The following COL4A5 variants were observed in gnomAD, a reference collection of about 807,000 sequenced individuals.
COL4A5 encodes collagen alpha-5(IV) chain.
A neutral mutation model predicts 130.2 loss-of-function variants in COL4A5; 26 were observed. The observed-to-expected ratio is 0.20, with a 90% CI of 0.15 to 0.28. COL4A5 has a LOEUF of 0.28. Ranked by LOEUF, COL4A5 falls within the 10% of genes least tolerant of loss-of-function variation. The pLI, the probability that COL4A5 is intolerant of heterozygous loss-of-function variation, is 1.00. For missense variants in COL4A5, 1,131 were observed against 1,344.3 expected (o/e 0.84, Z 2.48); for synonymous variants, 496 against 439.6 (o/e 1.13, Z -1.60).
intron 22 of COL4A5, among the ~76,000 whole-genome samples, chrX:108,595,913 G>T (rs2066507526): frequency 8.9e-6 from 1 of 111,958 alleles, no homozygotes; most frequent in Non-Finnish European, 1.9e-5. Flanking sequence ...TGGGAGAAAA[G>T]TTCATAATGC....
chrX:108,693,472 G>A (rs1390112178), intron 50 of COL4A5: 1 of 115,957 alleles, frequency 8.6e-6, no homozygotes, highest in Non-Finnish European at 1.8e-5. Context: ...CTTGGGCCCA[G>A]ATGGTAGAAG....
At chrX:108,456,112 C>A (rs939766331) in intron 1 of COL4A5, among the ~76,000 whole-genome samples, 5 of 111,203 alleles carry the variant, frequency 4.5e-5, no homozygotes, top group Non-Finnish European at 9.4e-5. Context: ...ATATACCTCT[C>A]CATTAATTTA....
chrX:108,440,209 A>G lies in COL4A5; in HGVS notation c.81+3A>G. The G allele has an allele frequency of 8.5e-7, 1 of 1,173,284 alleles. No individual in the cohort carries two copies. Among genetic ancestry groups the G allele is most frequent in the Non-Finnish European group, 1.2e-6 (1 of 862,869 alleles). ...GGGGGCAGCCTGCAGAGGCTGCGGT[A>G]AGTCCTTCCTCCCCTCCCCCGCGCC... On this transcript the variant is annotated splice_donor_region_variant and intron_variant, in intron 1 of 52. Coordinates refer to ENST00000328300, the MANE Select transcript of COL4A5 (RefSeq NM_033380.3).
At chrX:108,455,119 T>C (rs1199007966) in intron 1 of COL4A5, among the ~76,000 whole-genome samples, 1 of 111,643 alleles carries the variant, frequency 9.0e-6, no homozygotes, top group Non-Finnish European at 1.9e-5. Flanking sequence ...CATCCCCAAA[T>C]AACCACTGAT....
intron 29 of COL4A5, among the ~76,000 whole-genome samples, chrX:108,614,331 T>C (rs1468876448): frequency 1.8e-5 from 2 of 111,786 alleles, no homozygotes; most frequent in Non-Finnish European, 3.8e-5. Flanking sequence ...TATGTCTTGA[T>C]TTTAGTGGTG....
rs2066833093 is a variant in COL4A5 at position 108,611,422 on chromosome X, A to C, written c.2396-3489A>C. ...GTTCCGGGCAGCAAGAATAACATCCAAAGGTATTATTGTGACAAATATTGT... is the reference window on the plus strand; with the variant it reads ...GTTCCGGGCAGCAAGAATAACATCCCAAGGTATTATTGTGACAAATATTGT... On this transcript the variant is annotated intron_variant, in intron 29 of 52. Coordinates refer to ENST00000328300, the MANE Select transcript of COL4A5 (RefSeq NM_033380.3). Among the ~76,000 whole-genome samples, 4 of 111,137 alleles carry C rather than the reference A, an allele frequency of 3.6e-5. No homozygotes were observed. The Admixed American group carries it at 3.8e-4, about 11-fold the overall frequency.
chrX:108,513,905 G>A (rs758370344), intron 1 of COL4A5, among the ~76,000 whole-genome samples: 110 of 111,256 alleles, frequency 9.9e-4, no homozygotes, highest in African/African-American at 3.2e-3. Context: ...TGTTTTAATC[G>A]ATGATCTTTC....
At chrX:108,503,606 T>C (rs1178845979) in intron 1 of COL4A5, among the ~76,000 whole-genome samples, 1 of 111,978 alleles carries the variant, frequency 8.9e-6, no homozygotes, top group Admixed American at 9.5e-5. Flanking sequence ...AGCACCACTA[T>C]GCACCAACAA....
At chrX:108,473,633 A>ATATATTTTT in intron 1 of COL4A5, among the ~76,000 whole-genome samples, 6 of 34,562 alleles carry the variant, frequency 1.7e-4, no homozygotes, top group African/African-American at 3.2e-4. Context: ...ATATATATAT[A>ATATATTTTT]TTTTTTTTTT....
chrX:108,508,557 C>CAA (rs1182036182), intron 1 of COL4A5, among the ~76,000 whole-genome samples: 2,205 of 38,128 alleles, frequency 0.058, 129 homozygotes, highest in African/African-American at 0.19. Flanking sequence ...CATGTAGGAC[C>CAA]AAAAAAAAAA....
At chrX:108,521,010 C>T (rs1171068118) in intron 1 of COL4A5, among the ~76,000 whole-genome samples, 1 of 111,708 alleles carries the variant, frequency 9.0e-6, no homozygotes, top group Non-Finnish European at 1.9e-5. Flanking sequence ...TGTGTTTATA[C>T]ACATTTTGCT....
intron 4 of COL4A5, among the ~76,000 whole-genome samples, 169 bp from the exon 5 acceptor site, chrX:108,568,460 A>G (rs2066008920): frequency 8.9e-6 from 1 of 111,927 alleles, no homozygotes; most frequent in African/African-American, 3.2e-5. Context: ...TTTTAAACAC[A>G]TGTAAGAGAT....
At chrX:108,643,436 A>G (rs1355318708) in intron 36 of COL4A5, among the ~76,000 whole-genome samples, 1 of 111,662 alleles carries the variant, frequency 9.0e-6, no homozygotes, top group Non-Finnish European at 1.9e-5. Flanking sequence ...AGATAAGATG[A>G]AGGAAAGAAT....
chrX:108,696,280 T>C lies in COL4A5; in HGVS notation c.4995-17T>C. On this transcript the variant is annotated splice_polypyrimidine_tract_variant and intron_variant, in intron 52 of 52. Transcript: ENST00000328300. ...CCAGAAAATGTGGATCTGATTGTCT[T>C]ATTTCTTATTTCCCAGTAAACCTCA... The C allele has an allele frequency of 8.5e-7, 1 of 1,175,811 alleles. No individual in the cohort carries two copies. Among genetic ancestry groups the C allele is most frequent in the African/African-American group, 1.7e-5 (1 of 57,167 alleles).
At chrX:108,518,378 G>A (rs2065239038) in intron 1 of COL4A5, among the ~76,000 whole-genome samples, 1 of 111,300 alleles carries the variant, frequency 9.0e-6, no homozygotes, top group African/African-American at 3.3e-5. Context: ...CTTTTCTGTG[G>A]ATTTTTAAGG....
chrX:108,658,534 A>T (rs1040554608), intron 37 of COL4A5, among the ~76,000 whole-genome samples: 3 of 111,042 alleles, frequency 2.7e-5, no homozygotes, highest in African/African-American at 9.8e-5. Context: ...AGGAATCTGG[A>T]TCTGTAGTTT....
chrX:108,541,368 T>C (rs1263239296), intron 2 of COL4A5, among the ~76,000 whole-genome samples: 2 of 112,081 alleles, frequency 1.8e-5, no homozygotes, highest in Admixed American at 9.5e-5. Flanking sequence ...GGACAAAATA[T>C]AACAGCTACT....
chrX:108,495,834 G>C (rs1294066369), intron 1 of COL4A5, among the ~76,000 whole-genome samples: 1 of 112,096 alleles, frequency 8.9e-6, no homozygotes, highest in African/African-American at 3.2e-5. Flanking sequence ...AATTATGCAT[G>C]GGTTCAGCAT....
intron 1 of COL4A5, among the ~76,000 whole-genome samples, chrX:108,489,156 T>G (rs2064973985): frequency 8.9e-6 from 1 of 112,106 alleles, no homozygotes; most frequent in Non-Finnish European, 1.9e-5. Context: ...TTGCAATATG[T>G]ATTTGAAATT....
Sources: gnomAD v4.1 joint callset for allele counts (sites outside exome capture counted in the v4.1 genomes callset) on GRCh38, gnomAD v4.1.1 for gene constraint, MANE v1.5 for transcripts, NCBI Gene and HGNC (gene_info 2026-07-23, HGNC 2026-07-21) for gene names.